Variants in DCAF7 observed in about 807,000 individuals in gnomAD.
DCAF7 encodes the protein DDB1- and CUL4-associated factor 7.
Under a neutral mutation model 41.2 loss-of-function variants are expected in DCAF7, and 4 were observed. The ratio of observed to expected loss-of-function variants is 0.10; its 90% confidence interval spans 0.05 to 0.22. The LOEUF (loss-of-function observed/expected upper bound fraction) is 0.22, where lower values mean the gene tolerates loss of function less well. DCAF7 is among the 10% of genes least tolerant of loss of function. The pLI, the probability that DCAF7 is intolerant of heterozygous loss-of-function variation, is 1.00. For synonymous variants in DCAF7, 143 were observed against 164.2 expected (o/e 0.87, Z 0.99); for missense variants, 131 against 443.2 (o/e 0.30, Z 6.32).
Position 63,550,601 on chromosome 17 carries a change from C to G in DCAF7, c.-77C>G. 6.3e-7 allele frequency: 1 copy of G among 1,584,260 alleles called. No individual in the cohort carries two copies. The highest frequency in any genetic ancestry group is 2.3e-5 in the East Asian group (1 of 44,438). ...GCCCCCTCCTCTCCTCCCTTCGGAC[C>G]CATAGATCTCAGGCTCGGCTCCCCG... On this transcript the variant is annotated 5_prime_UTR_variant, in exon 1 of 7. Transcript: ENST00000614556. This position sits in a 1 kb window ranked among gnomAD's most constrained non-coding sequence, Gnocchi z 4.8.
In DCAF7 at chr17:63,550,491, A is replaced by G. The variant is rs1218147049; in HGVS notation, c.-187A>G. ...GGAAGGTGGTTGTCGTCCGTTCCCA[A>G]GCTGGTTTGAAACTAGGGGTCGGGC... On this transcript the variant is annotated 5_prime_UTR_variant, in exon 1 of 7. Coordinates refer to ENST00000614556, the MANE Select transcript of DCAF7 (RefSeq NM_005828.5). The surrounding 1 kb of genome is among the most constrained non-coding windows in gnomAD (Gnocchi z 4.8). 2 of 953,688 alleles carry G rather than the reference A, an allele frequency of 2.1e-6. No individual in the cohort carries two copies. Among genetic ancestry groups the G allele is most frequent in the East Asian group, 5.6e-5 (2 of 35,702 alleles). The allele number at this position is 953,688 out of a possible 1,614,324, so 59.1% of individuals were successfully genotyped here.
chr17:63,572,524 A>T (rs1441495491), intron 1 of DCAF7, among the ~76,000 whole-genome samples: 1 of 152,222 alleles, frequency 6.6e-6, no homozygotes. Context: ...TCAAATGCTC[A>T]CAAGATTGGA....
rs2033730171 is a variant in DCAF7 at position 63,591,200 on chromosome 17, G to A, written c.*2028G>A. On this transcript the variant is annotated 3_prime_UTR_variant, in exon 7 of 7. Coordinates refer to ENST00000614556, the MANE Select transcript of DCAF7 (RefSeq NM_005828.5). Reference sequence around the variant, plus strand: ...TTTAGGAGGCCATCAGTTCCTTCCTGTGGAGAAGGGTCTGAAATGGAAGTC... The same window carrying A: ...TTTAGGAGGCCATCAGTTCCTTCCTATGGAGAAGGGTCTGAAATGGAAGTC... 1 of 152,146 alleles carries A rather than the reference G, an allele frequency of 6.6e-6. No homozygotes were observed. The highest frequency in any genetic ancestry group is 6.5e-5 in the Admixed American group (1 of 15,274). 9.4% of individuals were successfully genotyped at this position (152,146 alleles called of 1,614,324 possible). A position where few individuals can be genotyped will look rare whatever the true frequency, so the allele number is the denominator to read the frequency against.
chr17:63,581,475 C>T (rs2033622157), intron 4 of DCAF7, among the ~76,000 whole-genome samples: 1 of 152,136 alleles, frequency 6.6e-6, no homozygotes. Flanking sequence ...GTTCCTGGAG[C>T]CCAGGGGCTG....
intron 1 of DCAF7, among the ~76,000 whole-genome samples, chr17:63,568,309 G>A (rs549450653): frequency 4.6e-4 from 70 of 152,206 alleles, no homozygotes; most frequent in South Asian, 4.6e-3. Flanking sequence ...GTCTGATTTC[G>A]GATGTAGAAA....
Position 63,589,377 on chromosome 17 carries a change from A to G in DCAF7, c.*205A>G. The stretch of plus-strand genomic sequence containing the variant: ...ACTCAGTGCTGTGTGGCGCCTCCTC[A>G]GCCCAGGGCTGAGTTTTAAGATTTT... On this transcript the variant is annotated 3_prime_UTR_variant, in exon 7 of 7. Coordinates refer to ENST00000614556, the MANE Select transcript of DCAF7 (RefSeq NM_005828.5). The G allele has an allele frequency of 1.5e-6, 1 of 677,950 alleles. No individual in the cohort carries two copies. The highest frequency in any genetic ancestry group is 2.6e-6 in the Non-Finnish European group (1 of 382,802). 42.0% of individuals were successfully genotyped at this position (677,950 alleles called of 1,614,324 possible). A position where few individuals can be genotyped will look rare whatever the true frequency, so the allele number is the denominator to read the frequency against.
rs529811578 is a variant in DCAF7, at chr17:63,551,891, C to CAAAAAAAAAAAAAAA, written c.138+1102_138+1116dup. On this transcript the variant is annotated intron_variant, in intron 1 of 6. Transcript: ENST00000614556. Reference sequence around the variant, plus strand: ...GTGAAACCCCGTCTCTACTAAAATACAAAAAAAAAAAAAAAAAAAAAAAAA... The same window carrying CAAAAAAAAAAAAAAA: ...GTGAAACCCCGTCTCTACTAAAATACAAAAAAAAAAAAAAAAAAAAAAAAAAAAAAAAAAAAAAAA... Among the ~76,000 whole-genome samples, 34 of 27,294 alleles carry CAAAAAAAAAAAAAAA rather than the reference C, an allele frequency of 1.2e-3. 10 individuals carry two copies. The highest frequency in any genetic ancestry group is 1.8e-3 in the Non-Finnish European group (23 of 12,474). 17.9% of individuals were successfully genotyped at this position (27,294 alleles called of 152,430 possible).
At chr17:63,559,452 T>TAC (rs2033356265) in intron 1 of DCAF7, among the ~76,000 whole-genome samples, 2 of 142,156 alleles carry the variant, frequency 1.4e-5, no homozygotes, top group African/African-American at 5.3e-5. Flanking sequence ...TATATATATA[T>TAC]ATATATTTTT....
At chr17:63,583,189 G>A (rs2033642397) in intron 4 of DCAF7, among the ~76,000 whole-genome samples, 1 of 152,210 alleles carries the variant, frequency 6.6e-6, no homozygotes, top group Non-Finnish European at 1.5e-5. Flanking sequence ...TTGTGTGGCA[G>A]AAGACAGCCA....
chr17:63,551,861 A>C (rs2033258328), intron 1 of DCAF7, among the ~76,000 whole-genome samples: 2 of 128,684 alleles, frequency 1.6e-5, no homozygotes, highest in Admixed American at 1.9e-4. Flanking sequence ...AGCCTGGGTA[A>C]CACGGTGAAA....
chr17:63,568,378 C>G (rs568131959), intron 1 of DCAF7, among the ~76,000 whole-genome samples: 155 of 152,186 alleles, frequency 1.0e-3, no homozygotes, highest in African/African-American at 3.3e-3. Context: ...GCATTTTATT[C>G]GGGGTACTAT....
intron 1 of DCAF7, among the ~76,000 whole-genome samples, chr17:63,552,092 GA>G (rs1292407191): frequency 6.6e-6 from 1 of 151,502 alleles, no homozygotes; most frequent in African/African-American, 2.4e-5. Flanking sequence ...AAAAAAAGAA[GA>G]ATAAAACTGT....
Position 63,589,408 on chromosome 17 carries a change from C to A in DCAF7, c.*236C>A. ...GGGCTGAGTTTTAAGATTTTCTCTC[C>A]TTTCCTCTTCTCCTTTGGTTCCTCA... On this transcript the variant is annotated 3_prime_UTR_variant, in exon 7 of 7. Coordinates refer to ENST00000614556, the MANE Select transcript of DCAF7 (RefSeq NM_005828.5). 1.7e-6 allele frequency: 1 copy of A among 592,566 alleles called. No individual in the cohort carries two copies. 36.7% of individuals were successfully genotyped at this position (592,566 alleles called of 1,614,324 possible).
intron 1 of DCAF7, among the ~76,000 whole-genome samples, chr17:63,567,262 G>A (rs1423115020): frequency 6.6e-6 from 1 of 152,186 alleles, no homozygotes; most frequent in Non-Finnish European, 1.5e-5. Flanking sequence ...CATATTCAGA[G>A]AGAACTTATA....
At chr17:63,583,306 A>G (rs1347079961) in intron 4 of DCAF7, among the ~76,000 whole-genome samples, 196 bp from the exon 5 acceptor site, 4 of 152,182 alleles carry the variant, frequency 2.6e-5, no homozygotes, top group South Asian at 2.1e-4. Context: ...TCTATAGCAG[A>G]ATGATCTTCC....
At chr17:63,564,599 T>A (rs2033420820) in intron 1 of DCAF7, among the ~76,000 whole-genome samples, 2 of 152,182 alleles carry the variant, frequency 1.3e-5, no homozygotes, top group Non-Finnish European at 2.9e-5. Context: ...CAATCTGACC[T>A]CTCCTACCCA....
chr17:63,570,224 C>G (rs2033490818), intron 1 of DCAF7, among the ~76,000 whole-genome samples: 1 of 152,038 alleles, frequency 6.6e-6, no homozygotes. Context: ...GAGGCCAATG[C>G]AGGCAGATTG....
rs112384000 is a variant in DCAF7, at chr17:63,559,459, T to A, written c.138+8644T>A. Among the ~76,000 whole-genome samples the A allele has an allele frequency of 1.8e-3, 235 of 131,120 alleles. 1 individual carries two copies. Among genetic ancestry groups the A allele is most frequent in the African/African-American group, 5.3e-3 (185 of 34,854 alleles). 86.0% of individuals were successfully genotyped at this position (131,120 alleles called of 152,430 possible). On this transcript the variant is annotated intron_variant, in intron 1 of 6. Transcript: ENST00000614556. ...TGTGTGTATATATATATATATATAT[T>A]TTTAATAATTGGTATTGAAACCAGA...
At chr17:63,578,026 C>A (rs541129770) in intron 1 of DCAF7, among the ~76,000 whole-genome samples, 1 of 152,284 alleles carries the variant, frequency 6.6e-6, no homozygotes, top group South Asian at 2.1e-4. Flanking sequence ...CCTCTCATGG[C>A]AATCGTTTTT....
Sources: allele counts gnomAD v4.1 joint callset (sites outside exome capture counted in the v4.1 genomes callset), GRCh38; gene constraint gnomAD v4.1.1; non-coding constraint Gnocchi (gnomAD v3.1); transcripts MANE v1.5; gene names NCBI Gene and HGNC (gene_info 2026-07-23, HGNC 2026-07-21).